The following DNAH9 variants were observed in gnomAD, a reference collection of about 807,000 sequenced individuals.
The protein encoded by DNAH9 is dynein axonemal heavy chain 9.
A neutral mutation model predicts 471.6 loss-of-function variants in DNAH9; 345 were observed. The observed-to-expected ratio is 0.73, with a 90% confidence interval of 0.67 to 0.80. The LOEUF (loss-of-function observed/expected upper bound fraction) is 0.80. DNAH9 is among the 30% of genes least tolerant of loss of function. The probability of loss-of-function intolerance (pLI) is 0.00; values close to 1 mark genes in which losing one functional copy is unlikely to be tolerated. For missense variants in DNAH9, 5,407 were observed against 5,609.2 expected (o/e 0.96, Z 1.15); for synonymous variants, 2,093 against 2,123.6 (o/e 0.99, Z 0.40).
chr17:11,935,418 C>G (rs1016384578), intron 65 of DNAH9, among the ~76,000 whole-genome samples: 1 of 150,312 alleles, frequency 6.7e-6, no homozygotes, highest in African/African-American at 2.5e-5. Context: ...CTCTGTCACC[C>G]AGGCTGGAGT....
intron 12 of DNAH9, among the ~76,000 whole-genome samples, chr17:11,648,346 T>C (rs1280496258): frequency 6.6e-6 from 1 of 152,176 alleles, no homozygotes; most frequent in Non-Finnish European, 1.5e-5. Context: ...AAGACGTGAG[T>C]CTGTTTAACT....
At chr17:11,826,678 G>A (rs1970507253) in intron 48 of DNAH9, among the ~76,000 whole-genome samples, 1 of 150,806 alleles carries the variant, frequency 6.6e-6, no homozygotes, top group African/African-American at 2.4e-5. Flanking sequence ...TAGCCAGGAT[G>A]GTCTTGATCT....
At chr17:11,672,057 A>T (rs2073981307) in intron 17 of DNAH9, among the ~76,000 whole-genome samples, 1 of 152,200 alleles carries the variant, frequency 6.6e-6, no homozygotes, top group Non-Finnish European at 1.5e-5. Context: ...TAGAAATAAT[A>T]AAAAAATTAT....
Position 11,886,825 on chromosome 17 carries a change from G to A in DNAH9, c.10972G>A (p.Val3658Ile). ...KQTAAEVEKK[V>I]QEAKVTEVKI... ...GGGCTGCTGTTTATTTTTCCAACAG[G>A]TCCAGGAGGCCAAGGTGACTGAAGT... Residue 3658 changes from valine (V) to isoleucine (I), a missense_variant and splice_region_variant, in exon 57 of 69, where the codon GTC becomes ATC. Around this residue, in one of 3 missense-constraint regions of DNAH9, gnomAD observed 4,636 missense variants for 4,900.3 expected, o/e 0.95. Transcript: ENST00000262442. 1 of 1,609,200 alleles carries A rather than the reference G, an allele frequency of 6.2e-7. No homozygotes were observed.
chr17:11,711,445 C>A (rs1304582048), intron 26 of DNAH9, among the ~76,000 whole-genome samples: 2 of 152,046 alleles, frequency 1.3e-5, no homozygotes. Flanking sequence ...GTTTGCTCTA[C>A]CATATTTGAA....
At chr17:11,668,633 C>G in intron 15 of DNAH9, among the ~76,000 whole-genome samples, 1 of 146,710 alleles carries the variant, frequency 6.8e-6, no homozygotes, top group East Asian at 2.1e-4. Context: ...CCACTTCACT[C>G]CAGCCTGGGT....
intron 62 of DNAH9, among the ~76,000 whole-genome samples, chr17:11,929,381 A>G (rs1974431902): frequency 6.6e-6 from 1 of 152,176 alleles, no homozygotes; most frequent in Non-Finnish European, 1.5e-5. Flanking sequence ...CATCTGCATC[A>G]CCAGGGAGCT....
intron 28 of DNAH9, among the ~76,000 whole-genome samples, chr17:11,736,779 G>T (rs937903225): frequency 6.6e-6 from 1 of 152,208 alleles, no homozygotes; most frequent in African/African-American, 2.4e-5. Context: ...TTCTTGCTGA[G>T]CGTGAGGTTT....
intron 35 of DNAH9, among the ~76,000 whole-genome samples, chr17:11,762,861 G>A (rs1222550125): frequency 7.1e-6 from 1 of 139,982 alleles, no homozygotes; most frequent in African/African-American, 2.6e-5. Flanking sequence ...CTCACTGCAA[G>A]CTCCGCCTCC....
intron 53 of DNAH9, among the ~76,000 whole-genome samples, chr17:11,879,615 G>A (rs1287877030): frequency 6.6e-6 from 1 of 151,910 alleles, no homozygotes; most frequent in Non-Finnish European, 1.5e-5. Flanking sequence ...CTAAATCTTT[G>A]TTAATTGATT....
rs530868998 is a variant in DNAH9 at position 11,793,583 on chromosome 17, T to A, written c.8142T>A (p.Val2714=). Residue 2714 remains valine, a synonymous_variant, in exon 42 of 69, where the codon GTT becomes GTA. Coordinates refer to ENST00000262442, the MANE Select transcript of DNAH9 (RefSeq NM_001372.4). The part of the protein sequence containing the change: ...IRLYLHESNR[V]YRDKMVEEKD... ...TCTATCTGCATGAATCAAATCGAGTTTATCGGGATAAGATGGTAGAAGAAA... is the reference window on the plus strand; with the variant it reads ...TCTATCTGCATGAATCAAATCGAGTATATCGGGATAAGATGGTAGAAGAAA... 15 of 1,613,980 alleles carry A rather than the reference T, an allele frequency of 9.3e-6. No individual in the cohort carries two copies. The East Asian group carries it at 3.1e-4, about 34-fold the overall frequency.
intron 61 of DNAH9, among the ~76,000 whole-genome samples, chr17:11,923,223 C>A (rs1469802614): frequency 6.6e-6 from 1 of 151,810 alleles, no homozygotes; most frequent in Non-Finnish European, 1.5e-5. Context: ...TTACAGGCAC[C>A]TCCCACCACA....
chr17:11,739,479 G>A (rs983594355), intron 29 of DNAH9, among the ~76,000 whole-genome samples: 2 of 152,092 alleles, frequency 1.3e-5, no homozygotes, highest in African/African-American at 4.8e-5. Flanking sequence ...ATGCTGTAAT[G>A]TACATCTTTG....
rs114586684 is a variant in DNAH9 at position 11,892,909 on chromosome 17, A to G, written c.11283+962A>G. ...TCATTTAGAATTGGGATTTTTTCCAATATGTAAATTGGGAGCACAGACTAA... is the reference window on the plus strand; with the variant it reads ...TCATTTAGAATTGGGATTTTTTCCAGTATGTAAATTGGGAGCACAGACTAA... On this transcript the variant is annotated intron_variant, in intron 58 of 68. Coordinates refer to ENST00000262442, the MANE Select transcript of DNAH9 (RefSeq NM_001372.4). The surrounding 1 kb of genome is among the most constrained non-coding windows in gnomAD (Gnocchi z 4.3). 1.8e-3 allele frequency among the ~76,000 whole-genome samples: 269 copies of G among 152,142 alleles called. 2 individuals carry two copies. The highest frequency in any genetic ancestry group is 6.0e-3 in the African/African-American group (249 of 41,506).
At chr17:11,671,368 G>A (rs1453434257) in intron 17 of DNAH9, among the ~76,000 whole-genome samples, 1 of 152,154 alleles carries the variant, frequency 6.6e-6, no homozygotes, top group Non-Finnish European at 1.5e-5. Flanking sequence ...TGGCATACAG[G>A]GCCACAGTGG....
rs772245579 is a variant in DNAH9 at position 11,902,824 on chromosome 17, C to T, written c.11512C>T (p.Leu3838Phe). Residue 3838 changes from leucine to phenylalanine, a missense_variant, in exon 60 of 69, where the codon CTC (leucine) becomes TTC (phenylalanine). Around this residue, in one of 3 missense-constraint regions of DNAH9, gnomAD observed 4,636 missense variants for 4,900.3 expected, o/e 0.95. Coordinates refer to ENST00000262442, the MANE Select transcript of DNAH9 (RefSeq NM_001372.4). Reference sequence around the variant, plus strand: ...GTCCGAATGTCCTGAGAAAGAGAAGCTCCCACAGGAGTGGAAGAACAAGAC... The same window carrying T: ...GTCCGAATGTCCTGAGAAAGAGAAGTTCCCACAGGAGTGGAAGAACAAGAC... The part of the protein sequence containing the change: ...VESECPEKEK[L>F]PQEWKNKTAL... 10 of 1,613,910 alleles carry T rather than the reference C, an allele frequency of 6.2e-6. No individual in the cohort carries two copies. The highest frequency in any genetic ancestry group is 5.3e-5 in the African/African-American group (4 of 74,928).
Position 11,892,035 on chromosome 17 carries a change from C to T in DNAH9, c.11283+88C>T, listed in dbSNP as rs946306993. The T allele has an allele frequency of 3.5e-6, 5 of 1,429,662 alleles. No individual in the cohort carries two copies. The highest frequency in any genetic ancestry group is 1.8e-4 in the Middle Eastern group (1 of 5,562). 88.6% of individuals were successfully genotyped at this position (1,429,662 alleles called of 1,614,324 possible). ...TTAAGAAACTTTCTTCTTTGAACAT[C>T]ACTTTCCACAGCATGTCCAGACTAT... On this transcript the variant is annotated intron_variant, in intron 58 of 68. Coordinates refer to ENST00000262442, the MANE Select transcript of DNAH9 (RefSeq NM_001372.4). The surrounding 1 kb of genome is among the most constrained non-coding windows in gnomAD (Gnocchi z 4.3).
intron 67 of DNAH9, among the ~76,000 whole-genome samples, chr17:11,951,678 A>G (rs1975364989): frequency 6.6e-6 from 1 of 152,118 alleles, no homozygotes; most frequent in South Asian, 2.1e-4. Flanking sequence ...TAATCCCAGC[A>G]TTTTGGGAGG....
At position 11,930,074 on chromosome 17, in the gene DNAH9, C is replaced by T. The variant is rs763982065; in HGVS notation, c.12086C>T (p.Ala4029Val). 1 of 1,613,946 alleles carries T rather than the reference C, an allele frequency of 6.2e-7. No individual in the cohort carries two copies. The highest frequency in any genetic ancestry group is 1.1e-5 in the South Asian group (1 of 91,048). ...GGCATGCATGCCAACCTGCACAAGGCCCTGGACAACTTCACTCAGGTACGG... is the reference window on the plus strand; with the variant it reads ...GGCATGCATGCCAACCTGCACAAGGTCCTGGACAACTTCACTCAGGTACGG... The part of the protein sequence containing the change: ...PTGMHANLHK[A>V]LDNFTQDTLE... Residue 4029 changes from alanine (A) to valine (V), a missense_variant, in exon 63 of 69, where the codon GCC becomes GTC. By Grantham distance (64) the Ala-to-Val change is moderately conservative. Transcript: ENST00000262442.
Sources: gnomAD v4.1 joint callset for allele counts (sites outside exome capture counted in the v4.1 genomes callset) on GRCh38, gnomAD v4.1.1 for gene constraint, gnomAD v4.1.1 regional missense constraint, Gnocchi (gnomAD v3.1) non-coding constraint, MANE v1.5 for transcripts, NCBI Gene and HGNC (gene_info 2026-07-23, HGNC 2026-07-21) for gene names.